The following SHANK2 variants were observed in gnomAD, a reference collection of about 807,000 sequenced individuals.
The protein encoded by SHANK2 is SH3 and multiple ankyrin repeat domains 2, also known as SH3 and multiple ankyrin repeat domains protein 2.
SHANK2 carries 43 observed loss-of-function variants against 133.7 expected under a neutral mutation model. The observed-to-expected ratio is 0.32, with a 90% CI of 0.25 to 0.41. The LOEUF is 0.41. Ranked by LOEUF, SHANK2 falls within the 10% of genes least tolerant of loss-of-function variation. The pLI is 1.00. For synonymous variants in SHANK2, 1,017 were observed against 952.8 expected (o/e 1.07, Z -1.24); for missense variants, 1,994 against 2,235.8 (o/e 0.89, Z 2.18).
chr11:70,909,008 G>A (rs1174423467), intron 10 of SHANK2, among the ~76,000 whole-genome samples: 1 of 151,968 alleles, frequency 6.6e-6, no homozygotes, highest in Non-Finnish European at 1.5e-5. Context: ...GGCAGTCAAG[G>A]GAATAAAAAC....
intron 14 of SHANK2, among the ~76,000 whole-genome samples, chr11:70,713,608 C>G (rs1945842980): frequency 6.6e-6 from 1 of 152,176 alleles, no homozygotes; most frequent in Non-Finnish European, 1.5e-5. Context: ...GAGGTGTCAG[C>G]CTCCAAGAGT....
At chr11:70,951,087 G>A (rs1555086452) in intron 10 of SHANK2, 4 of 255,552 alleles carry the variant, frequency 1.6e-5, no homozygotes, top group South Asian at 1.1e-4. Context: ...GAGAGGAGTT[G>A]CATTCATCTC....
At chr11:71,202,117 G>C (rs782447723) in intron 2 of SHANK2, among the ~76,000 whole-genome samples, 2 of 152,238 alleles carry the variant, frequency 1.3e-5, no homozygotes, top group Non-Finnish European at 2.9e-5. Context: ...TGAATGAATG[G>C]CTGCTTGATG....
At chr11:70,909,917 C>T (rs1228069888) in intron 10 of SHANK2, among the ~76,000 whole-genome samples, 1 of 152,206 alleles carries the variant, frequency 6.6e-6, no homozygotes, top group African/African-American at 2.4e-5. Flanking sequence ...CTGCTTAAGC[C>T]ACAGACACTT....
chr11:71,215,523 C>T (rs1954393128), intron 2 of SHANK2, among the ~76,000 whole-genome samples: 1 of 152,180 alleles, frequency 6.6e-6, no homozygotes, highest in Non-Finnish European at 1.5e-5. Flanking sequence ...TGAGGTCAGG[C>T]CTGAAAAGAA....
chr11:70,555,167 C>T (rs564351850), intron 17 of SHANK2, among the ~76,000 whole-genome samples: 26 of 152,290 alleles, frequency 1.7e-4, no homozygotes, highest in Admixed American at 1.3e-3. Context: ...GTTCTGACTG[C>T]TCCACCGACT....
chr11:70,784,012 G>C (rs1270964004), intron 14 of SHANK2, among the ~76,000 whole-genome samples: 2 of 152,144 alleles, frequency 1.3e-5, no homozygotes, highest in African/African-American at 2.4e-5. Flanking sequence ...GGGGCCACTG[G>C]GGACAGGCTG....
chr11:70,708,050 G>A (rs868922403), intron 14 of SHANK2, among the ~76,000 whole-genome samples: 35 of 152,336 alleles, frequency 2.3e-4, no homozygotes, highest in Admixed American at 1.6e-3. Context: ...CACCAGTGGA[G>A]GGAGGCATGT....
Position 70,744,047 on chromosome 11 carries a change from T to A in SHANK2, c.1778-45284A>T, listed in dbSNP as rs562535622. Among the ~76,000 whole-genome samples, 23 of 152,260 alleles carry A rather than the reference T, an allele frequency of 1.5e-4. No homozygotes were observed. In the East Asian group the frequency reaches 4.5e-3, roughly 29 times the overall value. ...CTCCGGATCTAACTCCAGCTGGGCA[T>A]CCCGGGCCACACTTCACGCAGCAGC... On this transcript the variant is annotated intron_variant, in intron 14 of 25. Coordinates refer to ENST00000601538, the MANE Select transcript of SHANK2 (RefSeq NM_012309.5).
intron 14 of SHANK2, among the ~76,000 whole-genome samples, chr11:70,790,450 G>A (rs1947764188): frequency 6.6e-6 from 1 of 152,242 alleles, no homozygotes; most frequent in African/African-American, 2.4e-5. Context: ...AACATTTACA[G>A]TCTGTTGGCT....
Position 70,739,755 on chromosome 11 carries a change from G to A in SHANK2, c.1778-40992C>T, listed in dbSNP as rs1946481529. 6.6e-6 allele frequency among the ~76,000 whole-genome samples: 1 copy of A among 152,204 alleles called. No homozygotes were observed. The highest frequency in any genetic ancestry group is 1.5e-5 in the Non-Finnish European group (1 of 68,042). ...TTGGAGATAAGGTCTTTAAAGAGGT[G>A]ATTAAGTTAAAACGAGGTACTGTGA... On this transcript the variant is annotated intron_variant, in intron 14 of 25. Transcript: ENST00000601538. This position sits in a 1 kb window ranked among gnomAD's most constrained non-coding sequence, Gnocchi z 4.3.
chr11:70,876,647 T>C (rs1193103491), intron 11 of SHANK2, among the ~76,000 whole-genome samples: 8 of 151,962 alleles, frequency 5.3e-5, no homozygotes, highest in African/African-American at 1.9e-4. Flanking sequence ...ATATATTGCA[T>C]GTTGATTCAT....
chr11:70,873,046 T>G (rs782103451), intron 11 of SHANK2: 1 of 471,246 alleles, frequency 2.1e-6, no homozygotes, highest in South Asian at 1.5e-5. Context: ...CCCACGTCCA[T>G]CCTGGTGCCT....
intron 2 of SHANK2, among the ~76,000 whole-genome samples, chr11:71,218,452 G>A (rs1268316868): frequency 5.3e-5 from 8 of 151,810 alleles, no homozygotes; most frequent in Non-Finnish European, 5.9e-5. Context: ...TCGTAGAGAC[G>A]GGGTTTCTCC....
chr11:70,506,052 C>T (rs2059132658), intron 17 of SHANK2, among the ~76,000 whole-genome samples: 2 of 152,260 alleles, frequency 1.3e-5, no homozygotes, highest in African/African-American at 2.4e-5. Flanking sequence ...CAGAGACAGA[C>T]ATTACTCTTT....
chr11:70,775,459 T>G (rs1003142360), intron 14 of SHANK2, among the ~76,000 whole-genome samples: 1 of 152,138 alleles, frequency 6.6e-6, no homozygotes, highest in Non-Finnish European at 1.5e-5. Context: ...CTGTCTCAAA[T>G]GAATGAGAAA....
intron 1 of SHANK2, among the ~76,000 whole-genome samples, chr11:71,238,754 G>A (rs1013172987): frequency 6.6e-6 from 1 of 152,224 alleles, no homozygotes; most frequent in Admixed American, 6.5e-5. Flanking sequence ...GAGCTTGCTC[G>A]AGTCAATCAG....
chr11:70,736,410 G>A (rs1482205689), intron 14 of SHANK2, among the ~76,000 whole-genome samples: 1 of 152,202 alleles, frequency 6.6e-6, no homozygotes, highest in Non-Finnish European at 1.5e-5. Context: ...ATCTTGGGAT[G>A]AGGAGATCAC....
At chr11:70,724,841 G>A (rs1555030210) in intron 14 of SHANK2, among the ~76,000 whole-genome samples, 1 of 152,218 alleles carries the variant, frequency 6.6e-6, no homozygotes, top group African/African-American at 2.4e-5. Flanking sequence ...ATCTAACGGG[G>A]TGATCAGGTA....
Sources: gnomAD v4.1 joint callset for allele counts (sites outside exome capture counted in the v4.1 genomes callset) on GRCh38, gnomAD v4.1.1 for gene constraint, Gnocchi (gnomAD v3.1) non-coding constraint, MANE v1.5 for transcripts, NCBI Gene and HGNC (gene_info 2026-07-23, HGNC 2026-07-21) for gene names.